The following DST variants were observed in gnomAD, a reference collection of about 807,000 sequenced individuals.
DST encodes the protein dystonin.
In DST, 253 loss-of-function variants were observed where a neutral mutation model predicts 875.2. That is an observed-to-expected ratio of 0.29 (90% CI 0.26 to 0.32). The LOEUF is 0.32. Ranked by LOEUF, DST falls within the 10% of genes least tolerant of loss-of-function variation. The probability of loss-of-function intolerance (pLI) is 1.00; values close to 1 mark genes in which losing one functional copy is unlikely to be tolerated. For missense variants in DST, 8,287 were observed against 9,111.6 expected, an observed-to-expected ratio of 0.91 and a Z score of 3.68; for synonymous variants, 3,124 against 3,197.1, an observed-to-expected ratio of 0.98 and a Z score of 0.77.
intron 2 of DST, among the ~76,000 whole-genome samples, chr6:56,938,082 TTCTCTCTCTC>T (rs144019912): frequency 5.3e-5 from 7 of 131,688 alleles, no homozygotes; most frequent in African/African-American, 1.6e-4. Context: ...CTCTCTCTCT[TTCTCTCTCTC>T]TCTCTCTCTC....
At position 56,954,445 on chromosome 6, in the gene DST, G is replaced by C. The variant is rs1305034149; in HGVS notation, c.143C>G (p.Pro48Arg). ...ACGACCCGAGAAGACCGATTTCATC[G>C]GATGCCTCCCTTTCTGGAGCTTGCG... ...WHRKLQKGRH[P>R]MKSVFSGRSR... Residue 48 changes from proline (P) to arginine (R), a missense_variant, in exon 1 of 104, where the codon CCG becomes CGG. Around this residue, in one of 10 missense-constraint regions of DST, gnomAD observed 1,160 missense variants for 1,424.3 expected, o/e 0.81. Transcript: ENST00000680361. 1 of 1,367,508 alleles carries C rather than the reference G, an allele frequency of 7.3e-7. No individual in the cohort carries two copies. The highest frequency in any genetic ancestry group is 9.8e-7 in the Non-Finnish European group (1 of 1,021,808). The allele number at this position is 1,367,508 out of a possible 1,614,324, so 84.7% of individuals were successfully genotyped here.
rs150270834 is a variant in DST at position 56,600,016 on chromosome 6, AG to A, written c.11694+52del. On this transcript the variant is annotated intron_variant, in intron 45 of 103. Coordinates refer to ENST00000680361, the MANE Select transcript of DST (RefSeq NM_001374736.1). Reference sequence around the variant, plus strand: ...TAATCTTCACTGACTTCCAAATGATAGTAATCGAACATAACATCAACATAGA... The same window carrying A: ...TAATCTTCACTGACTTCCAAATGATATAATCGAACATAACATCAACATAGA... 2,144 of 1,484,020 alleles carry A rather than the reference AG, an allele frequency of 1.4e-3. 72 individuals are homozygous for A. The East Asian group carries it at 0.046, about 32-fold the overall frequency. 91.9% of individuals were successfully genotyped at this position (1,484,020 alleles called of 1,614,324 possible). A position where few individuals can be genotyped will look rare whatever the true frequency, so the allele number is the denominator to read the frequency against.
chr6:56,657,744 C>A (rs1587947944), intron 10 of DST, among the ~76,000 whole-genome samples: 3 of 151,946 alleles, frequency 2.0e-5, no homozygotes, highest in African/African-American at 7.3e-5. Context: ...ATTTTATGCA[C>A]CTTATCACAA....
chr6:56,947,801 A>G (rs1820387638), intron 2 of DST, among the ~76,000 whole-genome samples: 1 of 152,182 alleles, frequency 6.6e-6, no homozygotes, highest in Non-Finnish European at 1.5e-5. Flanking sequence ...TCATGCCCTT[A>G]TACCAACCTG....
chr6:56,611,474 C>T, intron 38 of DST, 34 bp downstream of exon 38: 1 of 1,491,564 alleles, frequency 6.7e-7, no homozygotes, highest in Non-Finnish European at 9.3e-7. Context: ...TACTTCCCCA[C>T]TTAAAATAAA....
Position 56,603,407 on chromosome 6 carries a change from C to A in DST, c.10955G>T (p.Gly3652Val), listed in dbSNP as rs757390481. The change falls in exon 42 of 104, where the codon GGA becomes GTA. Residue 3652 changes from glycine to valine, a missense_variant. By Grantham distance (109) the Gly-to-Val change is moderately radical. This residue lies in a region of DST where 3,138 missense variants were observed against 3,116.6 expected (regional missense o/e 1.01). Transcript: ENST00000680361. ...TAAAATAACAGCAATTGGAGCTAAT[C>A]CCAATTCAAATGTCTGCAAAGAAAT... ...QLRQLETFELGLAPIAVILRK... is the reference protein window; with the variant it reads ...QLRQLETFELVLAPIAVILRK... 104 of 1,609,942 alleles carry A rather than the reference C, an allele frequency of 6.5e-5. No individual in the cohort carries two copies. In the South Asian group the frequency reaches 8.4e-4, roughly 13 times the overall value.
intron 4 of DST, among the ~76,000 whole-genome samples, chr6:56,763,130 G>A (rs957515744): frequency 5.9e-5 from 9 of 152,006 alleles, no homozygotes; most frequent in South Asian, 2.1e-4. Context: ...GATTACAGGC[G>A]TGAGCCACAG....
In DST at chr6:56,630,344, A is replaced by G; in HGVS notation, c.4182T>C (p.Ala1394=). ...CATAGAGTTTTACGAGGGCTTCTGCAGCTTGAGTGTTTTTTAACACCAAGT... is the reference window on the plus strand; with the variant it reads ...CATAGAGTTTTACGAGGGCTTCTGCGGCTTGAGTGTTTTTTAACACCAAGT... ...TVNLVLKNTQ[A]AEALVKLYET... is the part of the protein sequence containing the mutation. The change falls in exon 31 of 104, where the codon GCT becomes GCC. Residue 1394 remains alanine (A), a synonymous_variant. Transcript: ENST00000680361. 2 of 1,613,062 alleles carry G rather than the reference A, an allele frequency of 1.2e-6. No homozygotes were observed. Among genetic ancestry groups the G allele is most frequent in the Admixed American group, 1.7e-5 (1 of 60,034 alleles).
intron 3 of DST, among the ~76,000 whole-genome samples, chr6:56,856,722 G>C (rs987331151): frequency 1.3e-5 from 2 of 152,166 alleles, no homozygotes; most frequent in Admixed American, 1.3e-4. Flanking sequence ...GGCAACTGGG[G>C]AAATCTGAAC....
chr6:56,911,220 A>C (rs1250442651), intron 2 of DST, among the ~76,000 whole-genome samples: 1 of 152,190 alleles, frequency 6.6e-6, no homozygotes, highest in Non-Finnish European at 1.5e-5. Context: ...GGAGGGAATT[A>C]ATTCTATAGA....
At position 56,532,459 on chromosome 6, in the gene DST, G is replaced by A. The variant is rs1028738405; in HGVS notation, c.16993C>T (p.Arg5665Ter). The change falls in exon 64 of 104, where the codon CGA (arginine) becomes TGA (stop). Residue 5665 changes from arginine to a stop codon, truncating the protein, a stop_gained. Transcript: ENST00000680361. LOFTEE classifies it high-confidence loss of function. ...GTTGTAGCAATTTTTTCTCCTTCTC[G>A]TTTGATTACCTCCACCGTAGATTTT... The part of the protein sequence containing the change: ...DRKSTVEVIK[R>*]EGEKIATTAE... 1.9e-6 allele frequency: 3 copies of A among 1,610,366 alleles called. No homozygotes were observed. The highest frequency in any genetic ancestry group is 3.4e-5 in the Admixed American group (2 of 59,528).
At position 56,703,721 on chromosome 6, in the gene DST, G is replaced by C. The variant is rs1344510889; in HGVS notation, c.803C>G (p.Thr268Ser). 1.0e-6 allele frequency: 1 copy of C among 984,960 alleles called. No homozygotes were observed. Among genetic ancestry groups the C allele is most frequent in the Non-Finnish European group, 1.2e-6 (1 of 829,788 alleles). The allele number at this position is 984,960 out of a possible 1,614,324, so 61.0% of individuals were successfully genotyped here. ...TTCTGTTGCACTCACCAATCGTAAG[G>C]TCTTCAAAAAATCTCGCTCCCTTGG... is the stretch of plus-strand genomic sequence containing the variant. ...TLPRERDFLKTLRLVSATEAC... is the reference protein window; with the variant it reads ...TLPRERDFLKSLRLVSATEAC... Residue 268 changes from threonine (T) to serine (S), a missense_variant, in exon 7 of 104, where the codon ACC becomes AGC. Coordinates refer to ENST00000680361, the MANE Select transcript of DST (RefSeq NM_001374736.1).
intron 4 of DST, among the ~76,000 whole-genome samples, chr6:56,797,648 A>C (rs971804542): frequency 3.4e-4 from 52 of 152,048 alleles, no homozygotes; most frequent in Non-Finnish European, 7.4e-5. Context: ...GCAAAACCCT[A>C]TCTCTACTAA....
Position 56,608,902 on chromosome 6 carries a change from T to G in DST, c.5726A>C (p.Lys1909Thr). The G allele has an allele frequency of 6.2e-7, 1 of 1,613,720 alleles. No individual in the cohort carries two copies. Among genetic ancestry groups the G allele is most frequent in the African/African-American group, 1.3e-5 (1 of 74,996 alleles). Reference sequence around the variant, plus strand: ...GCACATATTTTGCCTTTCCAGAACTTTAGAAAATAATGCTGAGGAAACCAA... The same window carrying G: ...GCACATATTTTGCCTTTCCAGAACTGTAGAAAATAATGCTGAGGAAACCAA... The part of the protein sequence containing the change: ...QNLVSSALFS[K>T]VLERQNMCKD... The change falls in exon 40 of 104, where the codon AAA becomes ACA. Residue 1909 changes from lysine to threonine, a missense_variant. This residue lies in a region of DST where 3,138 missense variants were observed against 3,116.6 expected (regional missense o/e 1.01). Coordinates refer to ENST00000680361, the MANE Select transcript of DST (RefSeq NM_001374736.1).
At chr6:56,771,343 T>C (rs2099662147) in intron 4 of DST, among the ~76,000 whole-genome samples, 1 of 152,164 alleles carries the variant, frequency 6.6e-6, no homozygotes. Flanking sequence ...CACACTAGTA[T>C]GTGACTAAAA....
chr6:56,573,847 A>G lies in DST; in HGVS notation c.13068T>C (p.Val4356=). The change falls in exon 51 of 104, where the codon GTT becomes GTC. Residue 4356 remains valine (V), a synonymous_variant. Coordinates refer to ENST00000680361, the MANE Select transcript of DST (RefSeq NM_001374736.1). ...VGRYEDLSKS[V]NERNEKLQIT... The stretch of plus-strand genomic sequence containing the variant: ...TCTGGAGTTTTTCATTTCGTTCATT[A>G]ACAGACTTGGACAGATCCTCATATC... 1 of 1,613,360 alleles carries G rather than the reference A, an allele frequency of 6.2e-7. No individual in the cohort carries two copies. The highest frequency in any genetic ancestry group is 8.5e-7 in the Non-Finnish European group (1 of 1,179,586).
rs538591827 is a variant in DST, at chr6:56,482,040, T to C, written c.21531+10A>G. 8 of 1,612,582 alleles carry C rather than the reference T, an allele frequency of 5.0e-6. No individual in the cohort carries two copies. The highest frequency in any genetic ancestry group is 2.7e-5 in the African/African-American group (2 of 75,030). On this transcript the variant is annotated intron_variant, in intron 90 of 103. Transcript: ENST00000680361. ...AATTTAGCTTTACATAGCATTTATATATTACTCACTTTATGCTGATCAATG... is the reference window on the plus strand; with the variant it reads ...AATTTAGCTTTACATAGCATTTATACATTACTCACTTTATGCTGATCAATG...
chr6:56,575,619 T>C (rs2097852165), intron 50 of DST, among the ~76,000 whole-genome samples: 1 of 152,146 alleles, frequency 6.6e-6, no homozygotes, highest in Non-Finnish European at 1.5e-5. Context: ...GGGGCCAAAG[T>C]CCCAATGTGA....
At position 56,642,257 on chromosome 6, in the gene DST, G is replaced by C. The variant is rs796848822; in HGVS notation, c.1872+153C>G. On this transcript the variant is annotated intron_variant, in intron 16 of 103. Coordinates refer to ENST00000680361, the MANE Select transcript of DST (RefSeq NM_001374736.1). ...TGTTTTCCCTCTTCTTGTCTCTCAA[G>C]AGAGCAAACACCAATCATAATCTTT... The C allele has an allele frequency of 3.0e-5, 26 of 871,328 alleles. No individual in the cohort carries two copies. The African/African-American group carries it at 3.7e-4, about 12-fold the overall frequency. 54.0% of individuals were successfully genotyped at this position (871,328 alleles called of 1,614,324 possible). A position where few individuals can be genotyped will look rare whatever the true frequency, so the allele number is the denominator to read the frequency against.
Sources: gnomAD v4.1 joint callset for allele counts (sites outside exome capture counted in the v4.1 genomes callset) on GRCh38, gnomAD v4.1.1 for gene constraint, gnomAD v4.1.1 regional missense constraint, MANE v1.5 for transcripts, NCBI Gene and HGNC (gene_info 2026-07-23, HGNC 2026-07-21) for gene names.